Variants in UBR4 observed in about 807,000 individuals in gnomAD.
UBR4 encodes the protein E3 ubiquitin-protein ligase UBR4.
UBR4 carries 124 observed loss-of-function variants against 575.6 expected under a neutral mutation model. The observed-to-expected ratio is 0.22, with a 90% confidence interval of 0.19 to 0.25. UBR4 has a LOEUF of 0.25. UBR4 is among the 10% of genes least tolerant of loss of function. The pLI, the probability that UBR4 is intolerant of heterozygous loss-of-function variation, is 1.00. For missense variants in UBR4, 4,818 were observed against 6,478.8 expected, an observed-to-expected ratio of 0.74 and a Z score of 8.80; for synonymous variants, 2,455 against 2,473.7, an observed-to-expected ratio of 0.99 and a Z score of 0.22.
At chr1:19,173,782 G>T (rs1457690650) in intron 22 of UBR4, among the ~76,000 whole-genome samples, 161 bp from the exon 23 acceptor site, 1 of 152,176 alleles carries the variant, frequency 6.6e-6, no homozygotes, top group East Asian at 1.9e-4. Context: ...GATCTTTCTA[G>T]AGAGTGCACC....
chr1:19,178,829 T>C (rs780177296), intron 18 of UBR4, among the ~76,000 whole-genome samples: 14 of 152,202 alleles, frequency 9.2e-5, no homozygotes, highest in Non-Finnish European at 1.9e-4. Context: ...CGCATAATTA[T>C]AACCAAATCC....
intron 58 of UBR4, 78 bp downstream of exon 58, chr1:19,140,710 A>G (rs757783631): frequency 3.5e-6 from 5 of 1,424,834 alleles, no homozygotes; most frequent in African/African-American, 2.8e-5. Flanking sequence ...GCAGCTGCCC[A>G]TTACACTCTC....
At chr1:19,178,551 C>T (rs1336062670) in intron 18 of UBR4, among the ~76,000 whole-genome samples, 3 of 152,134 alleles carry the variant, frequency 2.0e-5, no homozygotes, top group African/African-American at 7.2e-5. Context: ...GAAAGCAAAG[C>T]CTTTTAGGAA....
chr1:19,111,998 TG>T (rs1434799366), intron 78 of UBR4: 9 of 152,466 alleles, frequency 5.9e-5, no homozygotes, highest in African/African-American at 2.2e-4. Context: ...TCAAGTGATC[TG>T]CCAGCCTCAG....
chr1:19,175,185 G>A, intron 20 of UBR4, 152 bp from the exon 21 acceptor site: 2 of 684,742 alleles, frequency 2.9e-6, no homozygotes, highest in Non-Finnish European at 2.3e-6. Context: ...GCTGTGGGAG[G>A]CCATCTTATG....
At chr1:19,203,218 G>A (rs114801027) in intron 1 of UBR4, among the ~76,000 whole-genome samples, 2,727 of 152,208 alleles carry the variant, frequency 0.018, 83 homozygotes, top group African/African-American at 0.062. Flanking sequence ...ATGGTGGGAC[G>A]CATTGTAGCT....
In UBR4 at chr1:19,110,242, G is replaced by C. The variant is rs753886978; in HGVS notation, c.11978-19C>G. The C allele has an allele frequency of 4.3e-6, 7 of 1,614,196 alleles. No homozygotes were observed. In the South Asian group the frequency reaches 6.6e-5, roughly 15 times the overall value. On this transcript the variant is annotated intron_variant, in intron 80 of 105. Transcript: ENST00000375254. This position sits in a 1 kb window ranked among gnomAD's most constrained non-coding sequence, Gnocchi z 4.5. ...CTGAGAGCTAGGGATGGTCAGGAAA[G>C]GCAGAGTCACAATCAGGAACACTAC...
intron 57 of UBR4, 139 bp from the exon 58 acceptor site, chr1:19,141,031 C>A: frequency 1.1e-6 from 1 of 869,844 alleles, no homozygotes; most frequent in South Asian, 1.7e-5. Context: ...AGCTAGCAGC[C>A]ACTGCTGTCC....
intron 81 of UBR4, among the ~76,000 whole-genome samples, chr1:19,108,572 T>C (rs114288128): frequency 0.017 from 2,568 of 152,226 alleles, 31 homozygotes; most frequent in Non-Finnish European, 0.026. Context: ...ATAAAATTAA[T>C]TTGTACTGTT....
chr1:19,095,083 A>G (rs1198473692), intron 93 of UBR4, 58 bp from the exon 94 acceptor site: 2 of 1,612,670 alleles, frequency 1.2e-6, no homozygotes, highest in Non-Finnish European at 1.7e-6. Flanking sequence ...CTAACTGCTG[A>G]GGACAATTGC....
chr1:19,095,499 G>T (rs1249814984), intron 93 of UBR4, 46 bp downstream of exon 93: 1 of 1,581,434 alleles, frequency 6.3e-7, no homozygotes, highest in East Asian at 2.2e-5. Context: ...TTCACACCCA[G>T]ACTTCCAAGG....
chr1:19,147,786 T>C (rs2085073357), intron 51 of UBR4, among the ~76,000 whole-genome samples: 1 of 152,140 alleles, frequency 6.6e-6, no homozygotes, highest in Non-Finnish European at 1.5e-5. Context: ...GAAAAATAAG[T>C]ACAAACCAGG....
chr1:19,118,060 G>T (rs2080743989), intron 71 of UBR4, 150 bp from the exon 72 acceptor site: 2 of 643,496 alleles, frequency 3.1e-6, no homozygotes, highest in Non-Finnish European at 5.4e-6. Context: ...GGACACAGGA[G>T]AAATCCCAAT....
chr1:19,104,518 A>C (rs1035533109), intron 86 of UBR4, 67 bp downstream of exon 86: 8 of 1,538,194 alleles, frequency 5.2e-6, no homozygotes, highest in Non-Finnish European at 7.2e-6. Flanking sequence ...CCCAGCACCC[A>C]AGGAACTAAG....
In UBR4 at chr1:19,151,138, C is replaced by T; in HGVS notation, c.7214-345G>A. ...TCAAAGTACAGATCATGATCATTCA[C>T]ACTAACAGCAACTATATCTAGAAGA... On this transcript the variant is annotated intron_variant, in intron 48 of 105. Transcript: ENST00000375254. 4 of 361,144 alleles carry T rather than the reference C, an allele frequency of 1.1e-5. No homozygotes were observed. In the South Asian group the frequency reaches 1.3e-4, roughly 12 times the overall value. The allele number at this position is 361,144 out of a possible 1,614,324, so 22.4% of individuals were successfully genotyped here.
chr1:19,086,441 C>T (rs1326185415), intron 100 of UBR4, among the ~76,000 whole-genome samples, 171 bp from the exon 101 acceptor site: 1 of 152,256 alleles, frequency 6.6e-6, no homozygotes, highest in Non-Finnish European at 1.5e-5. Context: ...CAATGTGGTA[C>T]ACACTGGCTT....
Position 19,128,196 on chromosome 1 carries a change from C to T in UBR4, c.9111+15G>A, listed in dbSNP as rs754024032. The T allele has an allele frequency of 6.2e-7, 1 of 1,607,032 alleles. No homozygotes were observed. The highest frequency in any genetic ancestry group is 8.5e-7 in the Non-Finnish European group (1 of 1,173,734). On this transcript the variant is annotated intron_variant, in intron 62 of 105. Transcript: ENST00000375254. The stretch of plus-strand genomic sequence containing the variant: ...CCAATCCTGTTTCTCACACAGTCTG[C>T]CTCTCAGATTTTACCTTTTTATCCA...
At position 19,210,011 on chromosome 1, in the gene UBR4, G is replaced by A. The variant is rs1394619824; in HGVS notation, c.176+62C>T. ...GGCGGCCCGGAAAGCGGGTCCAGAC[G>A]ATCCGGCTCGAAATCCCCTCCCCCC... On this transcript the variant is annotated intron_variant, in intron 1 of 105. Transcript: ENST00000375254. 8.2e-6 allele frequency: 12 copies of A among 1,472,208 alleles called. No homozygotes were observed. In the East Asian group the frequency reaches 2.0e-4, roughly 25 times the overall value. 91.2% of individuals were successfully genotyped at this position (1,472,208 alleles called of 1,614,324 possible). A position where few individuals can be genotyped will look rare whatever the true frequency, so the allele number is the denominator to read the frequency against.
intron 15 of UBR4, among the ~76,000 whole-genome samples, chr1:19,184,654 C>G (rs1218787202): frequency 1.3e-5 from 2 of 152,168 alleles, no homozygotes; most frequent in East Asian, 3.8e-4. Flanking sequence ...AGAACTGTAT[C>G]TGACTCACTC....
Sources: allele counts gnomAD v4.1 joint callset (sites outside exome capture counted in the v4.1 genomes callset), GRCh38; gene constraint gnomAD v4.1.1; non-coding constraint Gnocchi (gnomAD v3.1); transcripts MANE v1.5; gene names NCBI Gene and HGNC (gene_info 2026-07-23, HGNC 2026-07-21).